The following ZFHX3 variants were observed in gnomAD, a reference collection of about 807,000 sequenced individuals.
ZFHX3 encodes the protein zinc finger homeobox protein 3.
ZFHX3 carries 42 observed loss-of-function variants against 279.1 expected under a neutral mutation model. That is an observed-to-expected ratio of 0.15 (90% CI 0.12 to 0.19). ZFHX3 has a LOEUF of 0.19. Ranked by LOEUF, ZFHX3 falls within the 10% of genes least tolerant of loss-of-function variation. ZFHX3 has a pLI of 1.00. For missense variants in ZFHX3, 4,981 were observed against 4,754.0 expected (o/e 1.05, Z -1.40); for synonymous variants, 2,293 against 1,957.8 (o/e 1.17, Z -4.52).
chr16:73,862,915 T>A (rs1961919840), intron 1 of ZFHX3, among the ~76,000 whole-genome samples: 1 of 152,016 alleles, frequency 6.6e-6, no homozygotes, highest in Non-Finnish European at 1.5e-5. Flanking sequence ...TGTAACAGAT[T>A]AATTAGTAGA....
At chr16:73,003,542 TA>T (rs147999738) in intron 1 of ZFHX3, among the ~76,000 whole-genome samples, 377 of 120,544 alleles carry the variant, frequency 3.1e-3, no homozygotes, top group African/African-American at 8.2e-3. Context: ...CCCCATCTCT[TA>T]AAAAAAAAAA....
chr16:73,035,841 G>A (rs141152583), intron 1 of ZFHX3, among the ~76,000 whole-genome samples: 33 of 152,302 alleles, frequency 2.2e-4, no homozygotes, highest in African/African-American at 6.7e-4. Flanking sequence ...GAGGAGGAAG[G>A]CACAGTGAGC....
rs1353571938 is a variant in ZFHX3, at chr16:72,959,886, G to A, written c.260C>T (p.Ser87Phe). The change falls in exon 2 of 10, where the codon TCC (serine) becomes TTC (phenylalanine). Residue 87 changes from serine (S) to phenylalanine (F), a missense_variant. Ser to Phe is a radical substitution (Grantham distance 155). Coordinates refer to ENST00000268489, the MANE Select transcript of ZFHX3 (RefSeq NM_006885.4). ...CATGTAGGTCTGGAGGCTGGCAAAG[G>A]AGGCCGAACATTCGTTGCAGGTGAC... ...KEVTCNECSA[S>F]FASLQTYMEH... 1 of 1,603,300 alleles carries A rather than the reference G, an allele frequency of 6.2e-7. No individual in the cohort carries two copies. The highest frequency in any genetic ancestry group is 1.3e-5 in the African/African-American group (1 of 74,782).
At chr16:73,648,134 C>G (rs533202781) in intron 2 of ZFHX3, among the ~76,000 whole-genome samples, 1 of 152,100 alleles carries the variant, frequency 6.6e-6, no homozygotes, top group Non-Finnish European at 1.5e-5. Flanking sequence ...CACTTATTTC[C>G]CCTGCTAGGA....
At chr16:73,039,239 T>C (rs1423676765) in intron 1 of ZFHX3, among the ~76,000 whole-genome samples, 1 of 152,146 alleles carries the variant, frequency 6.6e-6, no homozygotes, top group Non-Finnish European at 1.5e-5. Context: ...ATTACAGGCT[T>C]GAGCCACCAC....
intron 2 of ZFHX3, among the ~76,000 whole-genome samples, chr16:73,645,540 G>A (rs1053080417): frequency 2.0e-5 from 3 of 152,144 alleles, no homozygotes; most frequent in Non-Finnish European, 2.9e-5. Context: ...CATCTTTAAC[G>A]ACAAAATTTA....
In ZFHX3 at chr16:72,787,292, C is replaced by G; in HGVS notation, c.10984G>C (p.Glu3662Gln). ...QPSMPTDDYSEESDTDLSQKS... is the reference protein window; with the variant it reads ...QPSMPTDDYSQESDTDLSQKS... The stretch of plus-strand genomic sequence containing the variant: ...TGGCTGAGATCCGTGTCAGACTCCT[C>G]CGAATAGTCGTCTGTTGGCATCGAG... The change falls in exon 10 of 10, where the codon GAG becomes CAG. Residue 3662 changes from glutamate (E) to glutamine (Q), a missense_variant. Coordinates refer to ENST00000268489, the MANE Select transcript of ZFHX3 (RefSeq NM_006885.4). 1 of 1,613,990 alleles carries G rather than the reference C, an allele frequency of 6.2e-7. No homozygotes were observed. Among genetic ancestry groups the G allele is most frequent in the South Asian group, 1.1e-5 (1 of 91,070 alleles).
At chr16:73,205,835 A>G (rs1229965203) in intron 5 of ZFHX3, among the ~76,000 whole-genome samples, 2 of 152,190 alleles carry the variant, frequency 1.3e-5, no homozygotes, top group Non-Finnish European at 1.5e-5. Context: ...GTATCCCAAG[A>G]ATGGAAAGCT....
chr16:73,644,698 G>C (rs188208829), intron 2 of ZFHX3, among the ~76,000 whole-genome samples: 1 of 151,768 alleles, frequency 6.6e-6, no homozygotes, highest in East Asian at 2.0e-4. Context: ...AAAAACCTCA[G>C]CAGTTTCCAG....
chr16:73,521,174 T>C (rs929361144), intron 2 of ZFHX3, among the ~76,000 whole-genome samples: 6 of 152,164 alleles, frequency 3.9e-5, no homozygotes, highest in African/African-American at 1.4e-4. Flanking sequence ...TGTGGCTGGT[T>C]GGTTAGTTGG....
chr16:73,047,414 G>C lies in ZFHX3; in HGVS notation c.-50+338C>G, dbSNP rs148826873. Among the ~76,000 whole-genome samples, 684 of 152,262 alleles carry C rather than the reference G, an allele frequency of 4.5e-3. 7 individuals are homozygous for C. Among genetic ancestry groups the C allele is most frequent in the Non-Finnish European group, 7.1e-3 (484 of 68,022 alleles). ...CAGCGACTTCTCCAGGGCTGAAAAG[G>C]GTGCATTTTTAGGCGGAGGCACCCA... On this transcript the variant is annotated intron_variant, in intron 1 of 9. Transcript: ENST00000268489.
intron 3 of ZFHX3, among the ~76,000 whole-genome samples, chr16:73,441,961 G>T (rs114392078): frequency 6.6e-6 from 1 of 152,158 alleles, no homozygotes; most frequent in African/African-American, 2.4e-5. Context: ...CATCGTGTGC[G>T]GATGAGAATT....
chr16:73,631,170 A>C (rs890538270), intron 2 of ZFHX3, among the ~76,000 whole-genome samples: 7 of 152,208 alleles, frequency 4.6e-5, no homozygotes, highest in African/African-American at 1.7e-4. Flanking sequence ...TATGAATTTT[A>C]GGTGTGAATT....
intron 8 of ZFHX3, among the ~76,000 whole-genome samples, chr16:73,085,685 A>G (rs931222527): frequency 6.6e-6 from 1 of 152,194 alleles, no homozygotes. Context: ...ATCAATCAAA[A>G]TAGACTAAAG....
intron 1 of ZFHX3, among the ~76,000 whole-genome samples, chr16:73,737,689 A>G (rs2053621120): frequency 6.6e-6 from 1 of 152,158 alleles, no homozygotes; most frequent in African/African-American, 2.4e-5. Flanking sequence ...AAGGAAAAAA[A>G]AAAAATCCCA....
chr16:72,883,764 C>CTTTATT (rs1243021120), intron 4 of ZFHX3, among the ~76,000 whole-genome samples: 1 of 152,168 alleles, frequency 6.6e-6, no homozygotes, highest in East Asian at 1.9e-4. Context: ...TTCCCCATGC[C>CTTTATT]TCCATCAATG....
intron 2 of ZFHX3, among the ~76,000 whole-genome samples, chr16:73,574,567 T>C (rs2051780083): frequency 6.6e-6 from 1 of 152,186 alleles, no homozygotes; most frequent in African/African-American, 2.4e-5. Flanking sequence ...ATTGAAAACG[T>C]GCCCAGTGAA....
chr16:72,867,976 G>T (rs1341787668), intron 4 of ZFHX3, among the ~76,000 whole-genome samples: 1 of 152,160 alleles, frequency 6.6e-6, no homozygotes, highest in Non-Finnish European at 1.5e-5. Context: ...AAGGAAGCAT[G>T]GAACTAACTG....
intron 3 of ZFHX3, among the ~76,000 whole-genome samples, chr16:73,424,980 T>C (rs911480912): frequency 5.3e-5 from 8 of 152,142 alleles, no homozygotes; most frequent in Non-Finnish European, 8.8e-5. Context: ...GGGGGTCTGA[T>C]AACTGGGCCA....
Sources: gnomAD v4.1 joint callset for allele counts (sites outside exome capture counted in the v4.1 genomes callset) on GRCh38, gnomAD v4.1.1 for gene constraint, MANE v1.5 for transcripts, NCBI Gene and HGNC (gene_info 2026-07-23, HGNC 2026-07-21) for gene names.